RICTOR: variants seen among roughly 807,000 people sequenced by gnomAD.
RICTOR encodes rapamycin-insensitive companion of mTOR.
Under a neutral mutation model 214.9 loss-of-function variants are expected in RICTOR, and 49 were observed. The observed-to-expected ratio is 0.23, with a 90% confidence interval of 0.18 to 0.29. The LOEUF is 0.29. Ranked by LOEUF, RICTOR falls within the 10% of genes least tolerant of loss-of-function variation. The pLI is 1.00. For synonymous variants in RICTOR, 717 were observed against 711.3 expected, an observed-to-expected ratio of 1.01 and a Z score of -0.13; for missense variants, 1,625 against 2,047.0, an observed-to-expected ratio of 0.79 and a Z score of 3.98.
chr5:38,998,480 C>T (rs1403988541), intron 5 of RICTOR, among the ~76,000 whole-genome samples: 1 of 152,270 alleles, frequency 6.6e-6, no homozygotes, highest in Non-Finnish European at 1.5e-5. Context: ...AGCCACCAAG[C>T]CCAGCCCCAA....
chr5:38,978,802 T>C, intron 8 of RICTOR, 152 bp from the exon 9 acceptor site: 1 of 500,802 alleles, frequency 2.0e-6, no homozygotes, highest in East Asian at 3.2e-5. Context: ...GGGAATATGT[T>C]TGGTGATTTT....
chr5:39,012,584 G>A (rs547656432), intron 3 of RICTOR, among the ~76,000 whole-genome samples: 4 of 152,068 alleles, frequency 2.6e-5, no homozygotes, highest in Non-Finnish European at 5.9e-5. Flanking sequence ...TAGCAGTTTC[G>A]TCACTACTAT....
intron 2 of RICTOR, among the ~76,000 whole-genome samples, chr5:39,037,137 C>G (rs1169360859): frequency 6.6e-6 from 1 of 152,152 alleles, no homozygotes; most frequent in Non-Finnish European, 1.5e-5. Context: ...ACAGTGCAAT[C>G]AAACTAGAAC....
intron 10 of RICTOR, among the ~76,000 whole-genome samples, chr5:38,974,963 T>C (rs1375732516): frequency 6.6e-6 from 1 of 152,230 alleles, no homozygotes; most frequent in Admixed American, 6.5e-5. Context: ...CATTAATACA[T>C]TGGGTACAAA....
In RICTOR at chr5:38,948,518, T is replaced by C. The variant is rs968381952; in HGVS notation, c.4137-1077A>G. The stretch of plus-strand genomic sequence containing the variant: ...GGTCCCTTTCTATCTATTCTACCTA[T>C]TGGGTTTCCACAGAAATCTTTATGT... On this transcript the variant is annotated intron_variant, in intron 31 of 37. Transcript: ENST00000357387. Among the ~76,000 whole-genome samples, 6 of 152,214 alleles carry C rather than the reference T, an allele frequency of 3.9e-5. 1 individual carries two copies. Among genetic ancestry groups the C allele is most frequent in the Middle Eastern group, 6.8e-3 (2 of 294 alleles).
intron 15 of RICTOR, 24 bp from the exon 16 acceptor site, chr5:38,964,916 C>T: frequency 2.1e-6 from 3 of 1,398,442 alleles, no homozygotes; most frequent in Non-Finnish European, 3.0e-6. Flanking sequence ...TAACATTTTA[C>T]ATGAGTTTTC....
At chr5:38,962,028 A>C (rs138499862) in intron 19 of RICTOR, among the ~76,000 whole-genome samples, 38 of 152,196 alleles carry the variant, frequency 2.5e-4, no homozygotes, top group Admixed American at 9.8e-4. Flanking sequence ...TGTCAGGGCT[A>C]AGACCCACTA....
chr5:38,979,951 T>G (rs1010017058), intron 8 of RICTOR, among the ~76,000 whole-genome samples: 2 of 152,072 alleles, frequency 1.3e-5, no homozygotes, highest in Admixed American at 6.5e-5. Context: ...ACTGTGTGTA[T>G]TAACATTATT....
chr5:38,984,089 T>C (rs1751954703), intron 7 of RICTOR, among the ~76,000 whole-genome samples: 1 of 152,214 alleles, frequency 6.6e-6, no homozygotes, highest in Non-Finnish European at 1.5e-5. Flanking sequence ...ATGAGTTTTT[T>C]TGGAGCAATT....
At chr5:39,048,399 T>C (rs1402564112) in intron 2 of RICTOR, among the ~76,000 whole-genome samples, 2 of 152,234 alleles carry the variant, frequency 1.3e-5, no homozygotes, top group African/African-American at 4.8e-5. Flanking sequence ...CTGTTTATAC[T>C]AACAATATGT....
chr5:38,971,376 T>G (rs1750770647), intron 11 of RICTOR: 1 of 136,686 alleles, frequency 7.3e-6, no homozygotes, highest in African/African-American at 3.1e-5. Flanking sequence ...CAACAGCAAT[T>G]TTTTTTTTTT....
chr5:38,964,687 C>A, intron 16 of RICTOR, 105 bp downstream of exon 16: 1 of 504,436 alleles, frequency 2.0e-6, no homozygotes. Flanking sequence ...AAAAGAATTT[C>A]CCACCATAAC....
chr5:39,012,463 T>C (rs560382549), intron 3 of RICTOR, among the ~76,000 whole-genome samples: 2 of 152,278 alleles, frequency 1.3e-5, no homozygotes, highest in South Asian at 2.1e-4. Flanking sequence ...TGGACTAATA[T>C]ACTATGAAAG....
chr5:39,072,101 A>G (rs1759367429), intron 2 of RICTOR, among the ~76,000 whole-genome samples: 1 of 152,198 alleles, frequency 6.6e-6, no homozygotes, highest in African/African-American at 2.4e-5. Flanking sequence ...ATTTAGAAAT[A>G]CAGATCTCAA....
chr5:38,979,319 T>C (rs1361738537), intron 8 of RICTOR, among the ~76,000 whole-genome samples: 1 of 152,184 alleles, frequency 6.6e-6, no homozygotes, highest in Non-Finnish European at 1.5e-5. Context: ...TATATTTTAT[T>C]AACAACCTTC....
chr5:39,007,285 A>G (rs148045261), intron 3 of RICTOR, among the ~76,000 whole-genome samples: 64 of 152,280 alleles, frequency 4.2e-4, no homozygotes, highest in African/African-American at 1.5e-3. Flanking sequence ...TTGTTTTTTT[A>G]AAGTCTCTCT....
chr5:38,945,537 C>T lies in RICTOR; in HGVS notation c.4587G>A (p.Leu1529=), dbSNP rs1456967261. Residue 1529 remains leucine, a synonymous_variant, in exon 34 of 38, where the codon CTG becomes CTA. Transcript: ENST00000357387. ...NCLYCVCIEI[L]GFQPSNQLSA... ...TCAGTTGGTTGCTGGGCTGGAAACC[C>T]AGAATTTCAATACAGACACAATAAA... is the stretch of plus-strand genomic sequence containing the variant. 2 of 1,614,072 alleles carry T rather than the reference C, an allele frequency of 1.2e-6. No individual in the cohort carries two copies. The highest frequency in any genetic ancestry group is 2.2e-5 in the East Asian group (1 of 44,872).
chr5:38,949,671 T>G, intron 31 of RICTOR, 41 bp downstream of exon 31: 1 of 1,531,260 alleles, frequency 6.5e-7, no homozygotes, highest in South Asian at 1.2e-5. Flanking sequence ...TTTGTTAAAA[T>G]GCAACCATTA....
intron 6 of RICTOR, among the ~76,000 whole-genome samples, chr5:38,994,851 G>A (rs1753064607): frequency 6.6e-6 from 1 of 152,160 alleles, no homozygotes; most frequent in African/African-American, 2.4e-5. Context: ...CTTTTCTTCT[G>A]ACAGCAGTCT....
Sources: gnomAD v4.1 joint callset for allele counts (sites outside exome capture counted in the v4.1 genomes callset) on GRCh38, gnomAD v4.1.1 for gene constraint, MANE v1.5 for transcripts, NCBI Gene and HGNC (gene_info 2026-07-23, HGNC 2026-07-21) for gene names.